ADCY9: variants seen among roughly 807,000 people sequenced by gnomAD.
ADCY9 encodes adenylate cyclase 9.
Under a neutral mutation model 101.5 loss-of-function variants are expected in ADCY9, and 50 were observed. The observed-to-expected ratio is 0.49, with a 90% confidence interval of 0.39 to 0.62. The LOEUF is 0.62. Among genes scored for constraint, ADCY9 ranks in the 20% least tolerant of loss-of-function variants. ADCY9 has a pLI of 0.00. For missense variants in ADCY9, 1,662 were observed against 1,800.4 expected (o/e 0.92, Z 1.39); for synonymous variants, 905 against 769.3 (o/e 1.18, Z -2.92).
At chr16:4,046,294 C>A (rs1332646444) in intron 2 of ADCY9, among the ~76,000 whole-genome samples, 1 of 152,204 alleles carries the variant, frequency 6.6e-6, no homozygotes, top group African/African-American at 2.4e-5. Context: ...GTGCCCAGCA[C>A]TGAACCATAG....
intron 2 of ADCY9, among the ~76,000 whole-genome samples, chr16:4,069,417 G>C (rs1318033216): frequency 6.9e-6 from 1 of 144,518 alleles, no homozygotes; most frequent in Admixed American, 6.9e-5. Flanking sequence ...CTACTTCTCG[G>C]GGGAGCCGTG....
Position 3,977,494 on chromosome 16 carries a change from AG to A in ADCY9, c.2815del (p.Leu939CysfsTer8). On this transcript the variant is annotated frameshift_variant, in exon 9 of 11. Coordinates refer to ENST00000294016, the MANE Select transcript of ADCY9 (RefSeq NM_001116.4). LOFTEE classifies it high-confidence loss of function. ...AGPLLLLYVS[L>X]CPDSSVLTSP... ...GCTGGCCGCGTACCTGTCTGGGCAC[AG>A]GGAGACGTAGAGCAGGAGCAGCGGC... 1 of 1,567,704 alleles carries A rather than the reference AG, an allele frequency of 6.4e-7. No homozygotes were observed. The highest frequency in any genetic ancestry group is 1.3e-5 in the African/African-American group (1 of 74,100).
intron 2 of ADCY9, among the ~76,000 whole-genome samples, chr16:4,045,468 A>G (rs1307106674): frequency 1.3e-5 from 2 of 151,492 alleles, no homozygotes; most frequent in Non-Finnish European, 2.9e-5. Flanking sequence ...GGTGGCGTGT[A>G]CCTGTAATCC....
intron 3 of ADCY9, among the ~76,000 whole-genome samples, chr16:3,996,770 T>C (rs1015506838): frequency 6.6e-6 from 1 of 152,264 alleles, no homozygotes; most frequent in Admixed American, 6.5e-5. Context: ...TATCTATTCT[T>C]CTGTAGCCAT....
In ADCY9 at chr16:4,115,253, G is replaced by C. The variant is rs141403076; in HGVS notation, c.190C>G (p.Pro64Ala). The C allele has an allele frequency of 4.9e-5, 79 of 1,613,372 alleles. No individual in the cohort carries two copies. In the African/African-American group the frequency reaches 8.3e-4, roughly 17 times the overall value. The part of the protein sequence containing the change: ...CSSSGDSGGV[P>A]RRVGGGGRLR... ...CGGCCTCCGCCGCCCACTCGCCGGG[G>C]GACGCCCCCGGAGTCCCCAGAGCTG... The change falls in exon 2 of 11, where the codon CCC becomes GCC. Residue 64 changes from proline (P) to alanine (A), a missense_variant. Transcript: ENST00000294016. This position sits in a 1 kb window ranked among gnomAD's most constrained non-coding sequence, Gnocchi z 6.2.
intron 2 of ADCY9, among the ~76,000 whole-genome samples, chr16:4,034,303 C>T (rs2141757588): frequency 6.6e-6 from 1 of 152,338 alleles, no homozygotes; most frequent in Non-Finnish European, 1.5e-5. Context: ...CCGTACTTAA[C>T]TTCCAAATCA....
intron 3 of ADCY9, among the ~76,000 whole-genome samples, chr16:3,999,768 G>A (rs1243744125): frequency 1.3e-5 from 2 of 152,248 alleles, no homozygotes; most frequent in Non-Finnish European, 2.9e-5. Flanking sequence ...GTGGGCTTTG[G>A]AGGGAAGAGT....
At chr16:4,105,281 T>C (rs1355446849) in intron 2 of ADCY9, among the ~76,000 whole-genome samples, 1 of 151,958 alleles carries the variant, frequency 6.6e-6, no homozygotes, top group African/African-American at 2.4e-5. Flanking sequence ...CTTCTCAGTT[T>C]GTTTCAATTT....
At chr16:3,975,161 G>A (rs76016869) in intron 9 of ADCY9, among the ~76,000 whole-genome samples, 1,772 of 152,258 alleles carry the variant, frequency 0.012, 26 homozygotes, top group African/African-American at 0.04. Context: ...GTGAATGCCC[G>A]ATGAGGGACC....
chr16:3,957,909 G>A (rs1468894309), downstream of ADCY9, among the ~76,000 whole-genome samples: 1 of 152,086 alleles, frequency 6.6e-6, no homozygotes, highest in African/African-American at 2.4e-5. Flanking sequence ...AAACTTTTCT[G>A]GTCCCGTTCA....
At chr16:3,983,593 AC>A in intron 6 of ADCY9, 153 bp from the exon 7 acceptor site, 1 of 654,086 alleles carries the variant, frequency 1.5e-6, no homozygotes. Context: ...TCCCTCTACT[AC>A]CCCATTTAAC....
intron 2 of ADCY9, among the ~76,000 whole-genome samples, chr16:4,035,958 C>T (rs1465364373): frequency 8.2e-6 from 1 of 121,352 alleles, no homozygotes; most frequent in East Asian, 2.9e-4. Context: ...CAAATCGTGC[C>T]ATTGCACTCC....
chr16:3,979,334 G>A lies in ADCY9; in HGVS notation c.2520-59C>T. ...GGGCCCGGGGTGGGTCATCGGCCAG[G>A]AGACAGGTGCGAGGCCGCAGCCAGC... On this transcript the variant is annotated intron_variant, in intron 7 of 10. Coordinates refer to ENST00000294016, the MANE Select transcript of ADCY9 (RefSeq NM_001116.4). The A allele has an allele frequency of 1.9e-6, 3 of 1,593,244 alleles. No individual in the cohort carries two copies. The South Asian group carries it at 3.3e-5, about 18-fold the overall frequency.
chr16:3,977,362 A>G, intron 9 of ADCY9, 120 bp downstream of exon 9: 1 of 1,330,092 alleles, frequency 7.5e-7, no homozygotes, highest in Non-Finnish European at 1.0e-6. Flanking sequence ...ATTTTGGGTC[A>G]TGATGGGAAA....
intron 2 of ADCY9, among the ~76,000 whole-genome samples, chr16:4,106,335 T>C (rs1010134442): frequency 6.6e-6 from 1 of 152,180 alleles, no homozygotes. Context: ...CACCCTACCC[T>C]TGGCCCACAC....
intron 10 of ADCY9, among the ~76,000 whole-genome samples, chr16:3,970,202 T>C (rs1354744809): frequency 6.6e-6 from 1 of 152,094 alleles, no homozygotes; most frequent in East Asian, 1.9e-4. Context: ...AAAGCTCAAT[T>C]CTTTTTCTTT....
chr16:3,966,060 G>C lies in ADCY9; in HGVS notation c.3777C>G (p.Ser1259=), dbSNP rs1274917070. The part of the protein sequence containing the change: ...RVIPQHQLSI[S]PDIRVQVDGS... ...CATCCACCTGGACGCGGATGTCTGG[G>C]GAGATGGACAGCTGGTGCTGTGGGA... Residue 1259 remains serine, a synonymous_variant, in exon 11 of 11, where the codon TCC becomes TCG. Coordinates refer to ENST00000294016, the MANE Select transcript of ADCY9 (RefSeq NM_001116.4). 1 of 1,614,222 alleles carries C rather than the reference G, an allele frequency of 6.2e-7. No individual in the cohort carries two copies. The highest frequency in any genetic ancestry group is 1.7e-5 in the Admixed American group (1 of 60,024).
In ADCY9 at chr16:4,114,980, C is replaced by T; in HGVS notation, c.463G>A (p.Val155Met). 1.2e-6 allele frequency: 2 copies of T among 1,614,044 alleles called. No individual in the cohort carries two copies. Among genetic ancestry groups the T allele is most frequent in the Non-Finnish European group, 8.5e-7 (1 of 1,180,024 alleles). ...MVAPALCFLL[V>M]CVGFFLFTFT... ...GTAAACAGAAAGAAGCCCACACACA[C>T]CAGGAGGAAGCACAGCGCGGGGGCG... Residue 155 changes from valine to methionine, a missense_variant, in exon 2 of 11, where the codon GTG (valine) becomes ATG (methionine). Val to Met is a conservative substitution (Grantham distance 21, BLOSUM62 1). Transcript: ENST00000294016. The surrounding 1 kb of genome is among the most constrained non-coding windows in gnomAD (Gnocchi z 4.3).
intron 2 of ADCY9, among the ~76,000 whole-genome samples, chr16:4,096,149 C>A (rs949757376): frequency 1.3e-5 from 2 of 152,068 alleles, no homozygotes; most frequent in Non-Finnish European, 2.9e-5. Flanking sequence ...ATCTCACACA[C>A]GCCCTGCAAT....
Sources: gnomAD v4.1 joint callset for allele counts (sites outside exome capture counted in the v4.1 genomes callset) on GRCh38, gnomAD v4.1.1 for gene constraint, Gnocchi (gnomAD v3.1) non-coding constraint, MANE v1.5 for transcripts, NCBI Gene and HGNC (gene_info 2026-07-23, HGNC 2026-07-21) for gene names.